Variants in KLRG1 observed in about 807,000 individuals in gnomAD.
The protein encoded by KLRG1 is killer cell lectin like receptor G1.
Under a neutral mutation model 21.8 loss-of-function variants are expected in KLRG1, and 16 were observed. The ratio of observed to expected loss-of-function variants is 0.73; its 90% CI spans 0.50 to 1.11. The LOEUF (loss-of-function observed/expected upper bound fraction) is 1.11, where lower values mean the gene tolerates loss of function less well. KLRG1 is among the 50% of genes most tolerant of loss of function. The pLI, the probability that KLRG1 is intolerant of heterozygous loss-of-function variation, is 0.00. For missense variants in KLRG1, 173 were observed against 218.3 expected, an observed-to-expected ratio of 0.79 and a Z score of 1.31; for synonymous variants, 69 against 75.9, an observed-to-expected ratio of 0.91 and a Z score of 0.47.
chr12:9,150,917 C>A, the KLRG1 span, among the ~76,000 whole-genome samples: 1,551 of 152,294 alleles, frequency 0.01, 28 homozygotes, highest in African/African-American at 0.035. Flanking sequence ...ACTCTATTTA[C>A]AGTCAACAAA....
At chr12:9,101,605 G>C in the KLRG1 span, 2 of 1,614,006 alleles carry the variant, frequency 1.2e-6, no homozygotes, top group Non-Finnish European at 8.5e-7. Flanking sequence ...TAAGCAGTGT[G>C]ATGTGCCTCT....
the KLRG1 span, chr12:9,150,727 C>T: frequency 6.2e-7 from 1 of 1,612,124 alleles, no homozygotes; most frequent in South Asian, 1.1e-5. Flanking sequence ...GAAGGAAAAA[C>T]TTAGCGTCTG....
intron 1 of KLRG1, among the ~76,000 whole-genome samples, chr12:8,981,633 G>A (rs1946756337): frequency 6.6e-6 from 1 of 151,778 alleles, no homozygotes; most frequent in African/African-American, 2.4e-5. Context: ...ATTTTGTAAT[G>A]TATTATATTA....
At chr12:9,136,124 T>G in the KLRG1 span, among the ~76,000 whole-genome samples, 3 of 152,296 alleles carry the variant, frequency 2.0e-5, no homozygotes, top group Middle Eastern at 6.8e-3. Context: ...TTGTATTGTG[T>G]TTTTGACCTT....
At chr12:9,170,453 T>C in the KLRG1 span, among the ~76,000 whole-genome samples, 1 of 152,124 alleles carries the variant, frequency 6.6e-6, no homozygotes, top group Non-Finnish European at 1.5e-5. The surrounding 1 kb of genome is among the most constrained non-coding windows in gnomAD (Gnocchi z 4.6). Context: ...TATATATCCC[T>C]AGGAAGGGGG....
intron 3 of KLRG1, among the ~76,000 whole-genome samples, chr12:9,000,245 T>C (rs181714675): frequency 1.3e-5 from 2 of 152,234 alleles, no homozygotes; most frequent in Admixed American, 6.5e-5. Flanking sequence ...GCATAGATGG[T>C]AGGGGAATTG....
At chr12:8,957,060 A>C (rs970984526) in intron 1 of KLRG1, among the ~76,000 whole-genome samples, 5 of 152,146 alleles carry the variant, frequency 3.3e-5, no homozygotes, top group African/African-American at 1.2e-4. Flanking sequence ...CCGGCCGTGG[A>C]GGTCTCTGGC....
chr12:9,012,184 C>T (rs1947641337), downstream of KLRG1, among the ~76,000 whole-genome samples: 1 of 152,180 alleles, frequency 6.6e-6, no homozygotes, highest in Non-Finnish European at 1.5e-5. Context: ...CGACCCCAGG[C>T]AGTGGAGCTT....
intron 1 of KLRG1, among the ~76,000 whole-genome samples, chr12:8,961,878 G>C (rs1176024246): frequency 1.3e-5 from 2 of 152,172 alleles, no homozygotes; most frequent in East Asian, 3.8e-4. Context: ...ATGAGGCCAA[G>C]AGTTTGAGAC....
chr12:9,173,874 T>G, the KLRG1 span, among the ~76,000 whole-genome samples: 1 of 152,188 alleles, frequency 6.6e-6, no homozygotes, highest in South Asian at 2.1e-4. Flanking sequence ...ACCAGATGGA[T>G]GCACAGCTGA....
downstream of KLRG1, among the ~76,000 whole-genome samples, chr12:9,013,630 G>A (rs1947661138): frequency 6.6e-6 from 1 of 152,244 alleles, no homozygotes; most frequent in African/African-American, 2.4e-5. Flanking sequence ...CGTGGCAGCA[G>A]ACAAGAGAAG....
chr12:9,213,641 T>A, the KLRG1 span, among the ~76,000 whole-genome samples: 1 of 152,138 alleles, frequency 6.6e-6, no homozygotes, highest in African/African-American at 2.4e-5. Context: ...TTTAGAGGAA[T>A]GTCTGTTGAA....
chr12:9,160,964 C>G, the KLRG1 span: 1 of 1,247,192 alleles, frequency 8.0e-7, no homozygotes, highest in East Asian at 2.3e-5. Context: ...AATTCAAATA[C>G]AAATACGTAG....
At chr12:8,990,753 TAAAGTAAATTTTA>T (rs1455663845) in intron 1 of KLRG1, among the ~76,000 whole-genome samples, 4 of 152,182 alleles carry the variant, frequency 2.6e-5, no homozygotes, top group Non-Finnish European at 5.9e-5. Context: ...AATATATACT[TAAAGTAAATTTTA>T]AAAATTTACT....
the KLRG1 span, chr12:9,037,353 A>G: frequency 6.6e-6 from 1 of 152,388 alleles, no homozygotes; most frequent in East Asian, 1.9e-4. Flanking sequence ...GGCTCTAAAC[A>G]AGAGCTATAT....
chr12:9,097,986 G>A, the KLRG1 span, among the ~76,000 whole-genome samples: 2 of 152,168 alleles, frequency 1.3e-5, no homozygotes, highest in African/African-American at 4.8e-5. Flanking sequence ...TAGCCTCAGT[G>A]CAGGTATATG....
At chr12:9,151,663 A>G in the KLRG1 span, 3 of 1,613,742 alleles carry the variant, frequency 1.9e-6, no homozygotes, top group Non-Finnish European at 2.5e-6. Context: ...ACAGAGCTAG[A>G]TCTTTCAAGC....
upstream of KLRG1, among the ~76,000 whole-genome samples, chr12:8,986,297 C>T (rs114643277): frequency 8.8e-3 from 1,335 of 152,244 alleles, 22 homozygotes; most frequent in African/African-American, 0.03. Context: ...TCCTTTTATC[C>T]ATAGTGTACT....
At chr12:9,129,644 TCA>T in the KLRG1 span, among the ~76,000 whole-genome samples, 3 of 152,178 alleles carry the variant, frequency 2.0e-5, no homozygotes, top group Middle Eastern at 3.4e-3. Context: ...CGCGTTCTGC[TCA>T]CTGCAAACTC....
Sources: allele counts gnomAD v4.1 joint callset (sites outside exome capture counted in the v4.1 genomes callset), GRCh38; gene constraint gnomAD v4.1.1; non-coding constraint Gnocchi (gnomAD v3.1); transcripts MANE v1.5; gene names NCBI Gene and HGNC (gene_info 2026-07-23, HGNC 2026-07-21).